Variants in ZNF124 observed in about 807,000 individuals in gnomAD.
The protein encoded by ZNF124 is zinc finger protein HZF-16.
A neutral mutation model predicts 26.6 loss-of-function variants in ZNF124; 25 were observed. The observed-to-expected ratio is 0.94, with a 90% CI of 0.68 to 1.31. The LOEUF (loss-of-function observed/expected upper bound fraction) is 1.31. ZNF124 is among the 40% of genes most tolerant of loss of function. The pLI is 0.00. For synonymous variants in ZNF124, 129 were observed against 133.3 expected (o/e 0.97, Z 0.22); for missense variants, 444 against 422.2 (o/e 1.05, Z -0.45).
chr1:247,164,335 G>T (rs891722898), intron 1 of ZNF124, among the ~76,000 whole-genome samples: 1 of 152,118 alleles, frequency 6.6e-6, no homozygotes, highest in African/African-American at 2.4e-5. Context: ...GTTTGCAAAT[G>T]ATATGATCCT....
At chr1:247,136,282 T>A (rs879752768) in intron 3 of ZNF124, among the ~76,000 whole-genome samples, 1 of 152,208 alleles carries the variant, frequency 6.6e-6, no homozygotes, top group Non-Finnish European at 1.5e-5. Flanking sequence ...TTTGAACTGA[T>A]AAGCAACTTC....
Position 247,155,425 on chromosome 1 carries a change from GA to G in ZNF124, c.*1140del, listed in dbSNP as rs1485490339. 6.6e-6 allele frequency among the ~76,000 whole-genome samples: 1 copy of G among 151,562 alleles called. No individual in the cohort carries two copies. Among genetic ancestry groups the G allele is most frequent in the Non-Finnish European group, 1.5e-5 (1 of 67,866 alleles). On this transcript the variant is annotated 3_prime_UTR_variant, in exon 4 of 4. Coordinates refer to ENST00000543802, the MANE Select transcript of ZNF124 (RefSeq NM_001297568.2). ...AATATTTTTTAAAATGGCTATGCAA[GA>G]AAAAAGGAAAAGAAATACATTTCAA... is the stretch of plus-strand genomic sequence containing the variant.
Position 247,155,056 on chromosome 1 carries a change from T to TATCCA in ZNF124, c.*1509_*1510insTGGAT, listed in dbSNP as rs1673051499. 6.6e-6 allele frequency among the ~76,000 whole-genome samples: 1 copy of TATCCA among 152,206 alleles called. No homozygotes were observed. Among genetic ancestry groups the TATCCA allele is most frequent in the Admixed American group, 6.5e-5 (1 of 15,286 alleles). ...CATCATACATGATGATAAGACTGGA[T>TATCCA]GCTTTCTTTCTCAGATTAGACACAA... On this transcript the variant is annotated 3_prime_UTR_variant, in exon 4 of 4. Coordinates refer to ENST00000543802, the MANE Select transcript of ZNF124 (RefSeq NM_001297568.2).
intron 3 of ZNF124, among the ~76,000 whole-genome samples, chr1:247,136,427 A>T (rs1218493831): frequency 6.6e-6 from 1 of 152,178 alleles, no homozygotes; most frequent in East Asian, 1.9e-4. Flanking sequence ...ACCTAGGAGT[A>T]CAGCTAACAA....
At chr1:247,161,564 GAC>G (rs895063345) in intron 1 of ZNF124, among the ~76,000 whole-genome samples, 3 of 149,910 alleles carry the variant, frequency 2.0e-5, no homozygotes, top group South Asian at 2.1e-4. Flanking sequence ...AGAATTAAAA[GAC>G]AAAAAACAGT....
intron 3 of ZNF124, among the ~76,000 whole-genome samples, chr1:247,137,200 A>G (rs2103103305): frequency 6.6e-6 from 1 of 152,084 alleles, no homozygotes; most frequent in Admixed American, 6.6e-5. Context: ...CAAGCAATGA[A>G]GAAAGGATCT....
chr1:247,123,771 G>A, exon 4 of ZNF124: 1 of 694,790 alleles, frequency 1.4e-6, no homozygotes, highest in South Asian at 1.5e-5. Flanking sequence ...AGGTGCATGG[G>A]CTTTGGAGTC....
chr1:247,156,792 AG>A lies in ZNF124; in HGVS notation c.829del (p.Leu277PhefsTer93). The part of the protein sequence containing the change: ...CGKAFRYASS[L>X]QKHEKTHIAQ... ...AATATGAGTTTTCTCGTGTTTCTGA[AG>A]GGAACTGGCGTATCTGAAGGCTTTC... On this transcript the variant is annotated frameshift_variant, in exon 4 of 4. Transcript: ENST00000543802. LOFTEE classifies it high-confidence loss of function. 1 of 1,613,432 alleles carries A rather than the reference AG, an allele frequency of 6.2e-7. No individual in the cohort carries two copies. The highest frequency in any genetic ancestry group is 8.5e-7 in the Non-Finnish European group (1 of 1,179,794).
intron 3 of ZNF124, among the ~76,000 whole-genome samples, chr1:247,145,437 G>A (rs1672737647): frequency 6.6e-6 from 1 of 152,114 alleles, no homozygotes; most frequent in Admixed American, 6.5e-5. Flanking sequence ...TCCAAAGTGA[G>A]TCAAAAGGTC....
In ZNF124 at chr1:247,123,342, A is replaced by G. The variant is rs532481555; in HGVS notation, c.*526T>C. On this transcript the variant is annotated 3_prime_UTR_variant, in exon 4 of 4. Transcript: ENST00000472531. ...CTCCTGAGTAGCTGGGACCGCAGGC[A>G]TCCACCACCACGCCCGGCTACTTTT... 420 of 153,128 alleles carry G rather than the reference A, an allele frequency of 2.7e-3. 3 individuals are homozygous for G. Among genetic ancestry groups the G allele is most frequent in the South Asian group, 0.012 (59 of 4,886 alleles). 9.5% of individuals were successfully genotyped at this position (153,128 alleles called of 1,614,324 possible). A position where few individuals can be genotyped will look rare whatever the true frequency, so the allele number is the denominator to read the frequency against.
chr1:247,163,111 A>C (rs775511690), intron 1 of ZNF124, among the ~76,000 whole-genome samples: 4 of 152,212 alleles, frequency 2.6e-5, no homozygotes, highest in Non-Finnish European at 4.4e-5. Flanking sequence ...GAAACTAATA[A>C]GAACAAACAT....
chr1:247,146,056 T>A (rs1454858445), intron 3 of ZNF124, among the ~76,000 whole-genome samples: 2 of 152,244 alleles, frequency 1.3e-5, no homozygotes, highest in East Asian at 3.8e-4. Flanking sequence ...AGCTATAATG[T>A]GAGCAATGAC....
Position 247,159,831 on chromosome 1 carries a change from T to C in ZNF124, c.31-18A>G, listed in dbSNP as rs1213893333. On this transcript the variant is annotated intron_variant, in intron 1 of 3. Coordinates refer to ENST00000543802, the MANE Select transcript of ZNF124 (RefSeq NM_001297568.2). ...ACCGAGTTCTAAAATATTCCACATT[T>C]TTGTAGAGGATGGATGAGACTGAAA... 1 of 1,606,560 alleles carries C rather than the reference T, an allele frequency of 6.2e-7. No individual in the cohort carries two copies. Among genetic ancestry groups the C allele is most frequent in the African/African-American group, 1.3e-5 (1 of 74,374 alleles).
chr1:247,167,393 A>G (rs1308882552), intron 1 of ZNF124, among the ~76,000 whole-genome samples: 1 of 151,670 alleles, frequency 6.6e-6, no homozygotes, highest in South Asian at 2.1e-4. Flanking sequence ...ATCCTGCAGG[A>G]AACAAACTGA....
chr1:247,152,172 A>G (rs1343957379), downstream of ZNF124, among the ~76,000 whole-genome samples: 1 of 151,482 alleles, frequency 6.6e-6, no homozygotes, highest in Non-Finnish European at 1.5e-5. Flanking sequence ...AAATACATGT[A>G]AGAATTTTTG....
At position 247,156,420 on chromosome 1, in the gene ZNF124, T is replaced by A; in HGVS notation, c.*146A>T. 1 of 1,333,110 alleles carries A rather than the reference T, an allele frequency of 7.5e-7. No homozygotes were observed. Among genetic ancestry groups the A allele is most frequent in the African/African-American group, 1.5e-5 (1 of 66,524 alleles). 82.6% of individuals were successfully genotyped at this position (1,333,110 alleles called of 1,614,324 possible). On this transcript the variant is annotated 3_prime_UTR_variant, in exon 4 of 4. Coordinates refer to ENST00000543802, the MANE Select transcript of ZNF124 (RefSeq NM_001297568.2). ...GAATGCTTTACCTTATTGCTTATAG[T>A]CATAGGGTTTATCTCCAGTTTGATT...
intron 3 of ZNF124, among the ~76,000 whole-genome samples, chr1:247,125,076 T>C (rs1672175285): frequency 6.6e-6 from 1 of 152,220 alleles, no homozygotes; most frequent in Non-Finnish European, 1.5e-5. Flanking sequence ...GTGCTGGGAT[T>C]ACAGGCATGA....
intron 3 of ZNF124, among the ~76,000 whole-genome samples, chr1:247,146,895 AC>A (rs145031563): frequency 2.0e-5 from 3 of 152,272 alleles, no homozygotes; most frequent in East Asian, 3.9e-4. Context: ...TAGAACAGGT[AC>A]CGGGGGGTAG....
At chr1:247,124,243 G>A (rs559038666) in intron 3 of ZNF124, among the ~76,000 whole-genome samples, 15 of 149,414 alleles carry the variant, frequency 1.0e-4, no homozygotes, top group African/African-American at 3.2e-4. Context: ...TCGCTCTGTC[G>A]CCCAGGCTGG....
Sources: allele counts gnomAD v4.1 joint callset (sites outside exome capture counted in the v4.1 genomes callset), GRCh38; gene constraint gnomAD v4.1.1; transcripts MANE v1.5; gene names NCBI Gene and HGNC (gene_info 2026-07-23, HGNC 2026-07-21).